LUZP4: variants seen among roughly 807,000 people sequenced by gnomAD.
LUZP4 encodes the protein leucine zipper protein 4.
LUZP4 carries 11 observed loss-of-function variants against 8.5 expected under a neutral mutation model. The observed-to-expected ratio is 1.30, with a 90% CI of 0.82 to 2.14. The LOEUF (loss-of-function observed/expected upper bound fraction) is 2.14. Among genes scored for constraint, LUZP4 ranks in the 30% most tolerant of loss-of-function variants. The pLI is 0.00. For synonymous variants in LUZP4, 104 were observed against 79.4 expected, an observed-to-expected ratio of 1.31 and a Z score of -1.65; for missense variants, 276 against 229.7, an observed-to-expected ratio of 1.20 and a Z score of -1.30.
At chrX:115,305,307 TTA>T (rs1405240620) in intron 3 of LUZP4, among the ~76,000 whole-genome samples, 2 of 112,367 alleles carry the variant, frequency 1.8e-5, no homozygotes, top group African/African-American at 3.2e-5. Context: ...GGCTATAGCT[TTA>T]TGTTTTAGCA....
Position 115,306,218 on chromosome X carries a change from A to G in LUZP4, c.356A>G (p.Asp119Gly). 2 of 1,208,249 alleles carry G rather than the reference A, an allele frequency of 1.7e-6. No homozygotes were observed. The highest frequency in any genetic ancestry group is 2.2e-6 in the Non-Finnish European group (2 of 893,550). The change falls in exon 4 of 4, where the codon GAC (aspartate) becomes GGC (glycine). Residue 119 changes from aspartate to glycine, a missense_variant. Transcript: ENST00000371920. The part of the protein sequence containing the change: ...QPLIEQEKCS[D>G]NYEAQAEKNQ... ...GATCCTTTTCAGGAGAAGTGCAGTG[A>G]CAATTATGAGGCCCAAGCAGAGAAG...
intron 3 of LUZP4, among the ~76,000 whole-genome samples, chrX:115,305,103 A>T (rs1206867754): frequency 1.8e-5 from 2 of 111,900 alleles, no homozygotes; most frequent in African/African-American, 6.5e-5. Context: ...TTATATAAAC[A>T]TTCATAAAAG....
intron 1 of LUZP4, among the ~76,000 whole-genome samples, chrX:115,296,553 C>T (rs782239805): frequency 1.8e-5 from 2 of 111,779 alleles, no homozygotes; most frequent in South Asian, 7.6e-4. Context: ...GCATTAAGGA[C>T]GCTTTCTTCA....
chrX:115,297,818 T>A, intron 1 of LUZP4, among the ~76,000 whole-genome samples: 1 of 110,544 alleles, frequency 9.0e-6, no homozygotes, highest in Middle Eastern at 4.6e-3. Flanking sequence ...GGAACTATTT[T>A]TTTTTTCTTT....
At position 115,306,542 on chromosome X, in the gene LUZP4, G is replaced by A. The variant is rs1556604121; in HGVS notation, c.680G>A (p.Gly227Asp). 1 of 1,207,157 alleles carries A rather than the reference G, an allele frequency of 8.3e-7. No homozygotes were observed. The highest frequency in any genetic ancestry group is 1.1e-6 in the Non-Finnish European group (1 of 894,839). Residue 227 changes from glycine (G) to aspartate (D), a missense_variant, in exon 4 of 4, where the codon GGT becomes GAT. Transcript: ENST00000371920. ...CATGGTCACTCAGAGAGATCTCATG[G>A]TCACTCAAAGAGATCTCGTAGCCAG... Reference protein sequence around the residue: ...RSHGHSERSHGHSKRSRSQGD... With the variant: ...RSHGHSERSHDHSKRSRSQGD...
chrX:115,298,660 A>G (rs2073381883), intron 1 of LUZP4, among the ~76,000 whole-genome samples: 1 of 111,726 alleles, frequency 9.0e-6, no homozygotes, highest in African/African-American at 3.3e-5. Context: ...AATCATTTCT[A>G]TGTCTTTGTT....
chrX:115,302,103 AT>A lies in LUZP4; in HGVS notation c.204del (p.His68GlnfsTer39). 8.4e-7 allele frequency: 1 copy of A among 1,190,557 alleles called. No homozygotes were observed. Among genetic ancestry groups the A allele is most frequent in the African/African-American group, 1.8e-5 (1 of 56,855 alleles). On this transcript the variant is annotated frameshift_variant, in exon 2 of 4. Coordinates refer to ENST00000371920, the MANE Select transcript of LUZP4 (RefSeq NM_016383.5). LOFTEE classifies it high-confidence loss of function. ...ESPSRQQSKAHRHRHRRGYSR... is the reference protein window; with the variant it reads ...ESPSRQQSKAXRHRHRRGYSR... ...CCTTCAAGACAGCAATCAAAAGCTC[AT>A]AGACATCGCCATCGGAGAGGTAAAG...
At chrX:115,291,158 C>A (rs1380063214) in intron 1 of LUZP4, among the ~76,000 whole-genome samples, 4 of 110,361 alleles carry the variant, frequency 3.6e-5, no homozygotes, top group Non-Finnish European at 7.6e-5. Flanking sequence ...TGTAGTGGCA[C>A]GATCACGGCT....
intron 2 of LUZP4, 152 bp downstream of exon 2, chrX:115,302,275 G>T: frequency 2.3e-6 from 1 of 427,565 alleles, no homozygotes; most frequent in Non-Finnish European, 3.8e-6. Flanking sequence ...ATACAGGGTT[G>T]GTAAGAATTT....
intron 1 of LUZP4, among the ~76,000 whole-genome samples, chrX:115,295,445 A>G (rs1241283984): frequency 9.5e-6 from 1 of 105,210 alleles, no homozygotes; most frequent in Non-Finnish European, 2.0e-5. Context: ...GCTTTCTATG[A>G]TGTAATGAGA....
At position 115,297,712 on chromosome X, in the gene LUZP4, T is replaced by C. The variant is rs184509641; in HGVS notation, c.92-4280T>C. ...TTATCCTTGACCTTTAGGAGTTTGA[T>C]TATTAAATGCCTTGAGGTAGTCTTC... On this transcript the variant is annotated intron_variant, in intron 1 of 3. Transcript: ENST00000371920. Among the ~76,000 whole-genome samples the C allele has an allele frequency of 5.5e-4, 61 of 111,573 alleles. 1 individual carries two copies. In the East Asian group the frequency reaches 0.015, roughly 28 times the overall value.
intron 1 of LUZP4, among the ~76,000 whole-genome samples, chrX:115,292,660 A>G (rs1890428033): frequency 9.1e-6 from 1 of 110,345 alleles, no homozygotes; most frequent in South Asian, 3.9e-4. Flanking sequence ...CAAAATGTTA[A>G]TTAGATGCGG....
rs1230210795 is a variant in LUZP4, at chrX:115,306,400, C to G, written c.538C>G (p.Leu180Val). 4 of 1,209,175 alleles carry G rather than the reference C, an allele frequency of 3.3e-6. No homozygotes were observed. Among genetic ancestry groups the G allele is most frequent in the Non-Finnish European group, 4.5e-6 (4 of 894,891 alleles). Reference sequence around the variant, plus strand: ...TCAGTCAGACAGATCTCAAGGGCAGCTAAAGAGACATCATCCCCAATATGA... The same window carrying G: ...TCAGTCAGACAGATCTCAAGGGCAGGTAAAGAGACATCATCCCCAATATGA... ...LSQSDRSQGQ[L>V]KRHHPQYERS... The change falls in exon 4 of 4, where the codon CTA becomes GTA. Residue 180 changes from leucine to valine, a missense_variant. Coordinates refer to ENST00000371920, the MANE Select transcript of LUZP4 (RefSeq NM_016383.5).
intron 1 of LUZP4, among the ~76,000 whole-genome samples, chrX:115,298,651 A>G (rs1378707911): frequency 8.9e-6 from 1 of 112,191 alleles, no homozygotes; most frequent in Non-Finnish European, 1.9e-5. Flanking sequence ...ACACTTTTAA[A>G]TCATTTCTAT....
chrX:115,294,700 A>G (rs2073363162), intron 1 of LUZP4, among the ~76,000 whole-genome samples: 1 of 111,941 alleles, frequency 8.9e-6, no homozygotes, highest in Non-Finnish European at 1.9e-5. Flanking sequence ...TAACTTGAAT[A>G]ATAGTGAAGT....
At chrX:115,291,959 A>G (rs2073350933) in intron 1 of LUZP4, among the ~76,000 whole-genome samples, 1 of 109,739 alleles carries the variant, frequency 9.1e-6, no homozygotes, top group South Asian at 3.9e-4. Flanking sequence ...GAGGGGCGCC[A>G]TGGCTCATGC....
At chrX:115,290,819 G>C (rs1198058838) in intron 1 of LUZP4, among the ~76,000 whole-genome samples, 1 of 111,283 alleles carries the variant, frequency 9.0e-6, no homozygotes, top group Non-Finnish European at 1.9e-5. Context: ...TGCTTGCTCT[G>C]TTTCTCAGGC....
chrX:115,291,605 T>C (rs1356282707), intron 1 of LUZP4, among the ~76,000 whole-genome samples: 4 of 110,075 alleles, frequency 3.6e-5, no homozygotes, highest in Admixed American at 2.9e-4. Flanking sequence ...GCAGGATAAG[T>C]GGAGGGAGAG....
intron 2 of LUZP4, among the ~76,000 whole-genome samples, chrX:115,302,353 T>A (rs1191502616): frequency 8.9e-6 from 1 of 112,049 alleles, no homozygotes; most frequent in Admixed American, 9.5e-5. Flanking sequence ...GAGAGTGGGA[T>A]AAAAAAAGTA....
Sources: gnomAD v4.1 joint callset for allele counts (sites outside exome capture counted in the v4.1 genomes callset) on GRCh38, gnomAD v4.1.1 for gene constraint, MANE v1.5 for transcripts, NCBI Gene and HGNC (gene_info 2026-07-23, HGNC 2026-07-21) for gene names.